The following SYNPR variants were observed in gnomAD, a reference collection of about 807,000 sequenced individuals.
SYNPR encodes synaptoporin.
SYNPR carries 23 observed loss-of-function variants against 32.9 expected under a neutral mutation model. The observed-to-expected ratio is 0.70, with a 90% confidence interval of 0.50 to 0.99. The LOEUF (loss-of-function observed/expected upper bound fraction) is 0.99. Among genes scored for constraint, SYNPR ranks in the 50% least tolerant of loss-of-function variants. SYNPR has a pLI of 0.00. For synonymous variants in SYNPR, 146 were observed against 135.9 expected, an observed-to-expected ratio of 1.07 and a Z score of -0.52; for missense variants, 318 against 349.3, an observed-to-expected ratio of 0.91 and a Z score of 0.71.
intron 4 of SYNPR, 129 bp from the exon 5 acceptor site, chr3:63,608,996 C>A: frequency 1.5e-6 from 1 of 649,844 alleles, no homozygotes; most frequent in Non-Finnish European, 2.4e-6. Flanking sequence ...TAAATGTTTT[C>A]CTTGTTTCCA....
At chr3:63,467,024 G>A (rs1247411287) in intron 2 of SYNPR, among the ~76,000 whole-genome samples, 1 of 151,730 alleles carries the variant, frequency 6.6e-6, no homozygotes, top group East Asian at 1.9e-4. Context: ...GTTTATTTTT[G>A]TTTTGAGATG....
chr3:63,222,336 G>T, the SYNPR span, among the ~76,000 whole-genome samples: 2 of 152,086 alleles, frequency 1.3e-5, no homozygotes, highest in Admixed American at 6.5e-5. Flanking sequence ...AGGCAAGAAT[G>T]GGCATTATGC....
At chr3:63,239,750 G>T (rs1473354883) in intron 1 of SYNPR, among the ~76,000 whole-genome samples, 3 of 151,042 alleles carry the variant, frequency 2.0e-5, no homozygotes, top group Non-Finnish European at 4.4e-5. Context: ...TTATTGTCAA[G>T]TGTATCATAC....
At chr3:63,547,443 A>ACT (rs1702427462) in intron 3 of SYNPR, among the ~76,000 whole-genome samples, 1 of 150,612 alleles carries the variant, frequency 6.6e-6, no homozygotes, top group Admixed American at 6.6e-5. Context: ...GGGAAGGCAG[A>ACT]CTCTCTCCCC....
intron 3 of SYNPR, among the ~76,000 whole-genome samples, chr3:63,518,328 TC>T (rs1701837577): frequency 6.6e-6 from 1 of 151,878 alleles, no homozygotes; most frequent in Non-Finnish European, 1.5e-5. Context: ...GCCTTGAGAG[TC>T]CTGAATTCTT....
intron 3 of SYNPR, among the ~76,000 whole-genome samples, chr3:63,520,684 A>AAT (rs1701894839): frequency 1.3e-5 from 2 of 151,750 alleles, no homozygotes; most frequent in South Asian, 4.2e-4. Flanking sequence ...AAAAAAAAAA[A>AAT]AATCAGAGTG....
intron 1 of SYNPR, among the ~76,000 whole-genome samples, chr3:63,229,631 T>C (rs1467130389): frequency 2.6e-5 from 4 of 152,194 alleles, no homozygotes; most frequent in Non-Finnish European, 5.9e-5. Context: ...CCTTTATCAT[T>C]TACTGATTCT....
chr3:63,371,791 G>A (rs2087815671), intron 2 of SYNPR, among the ~76,000 whole-genome samples: 2 of 152,214 alleles, frequency 1.3e-5, no homozygotes, highest in Non-Finnish European at 2.9e-5. Flanking sequence ...ACTTTAGTCG[G>A]AGGCGGTTCT....
intron 2 of SYNPR, among the ~76,000 whole-genome samples, chr3:63,427,261 T>A (rs1668514299): frequency 6.6e-6 from 1 of 151,754 alleles, no homozygotes; most frequent in African/African-American, 2.4e-5. Flanking sequence ...CTGAGCTATA[T>A]ATTGATATAC....
At chr3:63,284,666 C>T (rs938231084) in intron 2 of SYNPR, among the ~76,000 whole-genome samples, 13 of 152,220 alleles carry the variant, frequency 8.5e-5, no homozygotes, top group African/African-American at 2.4e-4. Flanking sequence ...TTCTAAGCCA[C>T]GTTTTTCAAG....
intron 2 of SYNPR, among the ~76,000 whole-genome samples, chr3:63,371,634 G>C (rs2087813298): frequency 6.6e-6 from 1 of 152,162 alleles, no homozygotes; most frequent in Admixed American, 6.5e-5. Context: ...GGTGATTTGA[G>C]ACTGATACAG....
chr3:63,546,501 G>GA (rs1487089366), intron 3 of SYNPR, among the ~76,000 whole-genome samples: 3 of 151,962 alleles, frequency 2.0e-5, no homozygotes. Flanking sequence ...GGGGTGAGGG[G>GA]GGAACAGTAA....
the SYNPR span, among the ~76,000 whole-genome samples, chr3:63,218,012 G>T: frequency 6.6e-6 from 1 of 152,042 alleles, no homozygotes; most frequent in African/African-American, 2.4e-5. Flanking sequence ...TTTCTTTGGG[G>T]TTGATTGTTC....
rs559101913 is a variant in SYNPR, at chr3:63,434,818, A to G, written c.85-46014A>G. Among the ~76,000 whole-genome samples, 19 of 152,334 alleles carry G rather than the reference A, an allele frequency of 1.2e-4. No individual in the cohort carries two copies. In the East Asian group the frequency reaches 3.5e-3, roughly 28 times the overall value. The stretch of plus-strand genomic sequence containing the variant: ...GAAAACAAACAGATGTATCTCTGCT[A>G]TTTTTGACTAGAATTATGAAAATAG... On this transcript the variant is annotated intron_variant, in intron 2 of 5. Transcript: ENST00000478300.
rs140939857 is a variant in SYNPR at position 63,592,786 on chromosome 3, T to C, written c.409-16339T>C. On this transcript the variant is annotated intron_variant, in intron 4 of 5. Coordinates refer to ENST00000478300, the MANE Select transcript of SYNPR (RefSeq NM_001130003.2). ...GATAATGCCTATATACTTTTCTATATTGTATTTTTAGCTATAATATGTCAC... is the reference window on the plus strand; with the variant it reads ...GATAATGCCTATATACTTTTCTATACTGTATTTTTAGCTATAATATGTCAC... Among the ~76,000 whole-genome samples, 242 of 152,238 alleles carry C rather than the reference T, an allele frequency of 1.6e-3. 1 individual carries two copies. The highest frequency in any genetic ancestry group is 5.5e-3 in the African/African-American group (230 of 41,564).
intron 2 of SYNPR, among the ~76,000 whole-genome samples, chr3:63,304,719 A>C (rs1210246688): frequency 2.6e-5 from 4 of 151,990 alleles, no homozygotes; most frequent in Non-Finnish European, 5.9e-5. Context: ...CTGGAAGAAA[A>C]GTAAAGAATT....
intron 2 of SYNPR, among the ~76,000 whole-genome samples, chr3:63,410,201 G>T (rs1195728805): frequency 2.0e-5 from 3 of 152,076 alleles, no homozygotes; most frequent in Non-Finnish European, 2.9e-5. Flanking sequence ...TGCCAGATGT[G>T]GACTAGGTAC....
At chr3:63,247,994 T>TA (rs373591892) in intron 1 of SYNPR, among the ~76,000 whole-genome samples, 356 of 152,212 alleles carry the variant, frequency 2.3e-3, no homozygotes, top group African/African-American at 8.0e-3. Flanking sequence ...TCACCCACCT[T>TA]ACAATGTAAG....
chr3:63,486,946 G>A (rs1701167455), intron 3 of SYNPR, among the ~76,000 whole-genome samples: 1 of 152,090 alleles, frequency 6.6e-6, no homozygotes, highest in South Asian at 2.1e-4. Context: ...GATTTTGGAG[G>A]TGCTGCATGG....
Sources: allele counts gnomAD v4.1 joint callset (sites outside exome capture counted in the v4.1 genomes callset), GRCh38; gene constraint gnomAD v4.1.1; transcripts MANE v1.5; gene names NCBI Gene and HGNC (gene_info 2026-07-23, HGNC 2026-07-21).